YTHDC2: variants seen among roughly 807,000 people sequenced by gnomAD.
YTHDC2 encodes the protein 3'-5' RNA helicase YTHDC2.
Under a neutral mutation model 174.9 loss-of-function variants are expected in YTHDC2, and 45 were observed. That is an observed-to-expected ratio of 0.26 (90% CI 0.20 to 0.33). The LOEUF is 0.33. Ranked by LOEUF, YTHDC2 falls within the 10% of genes least tolerant of loss-of-function variation. The probability of loss-of-function intolerance (pLI) is 1.00; values close to 1 mark genes in which losing one functional copy is unlikely to be tolerated. For missense variants in YTHDC2, 1,650 were observed against 1,723.7 expected, an observed-to-expected ratio of 0.96 and a Z score of 0.76; for synonymous variants, 657 against 574.5, an observed-to-expected ratio of 1.14 and a Z score of -2.05.
chr5:113,549,824 A>G (rs1776128624), intron 12 of YTHDC2, among the ~76,000 whole-genome samples: 1 of 151,932 alleles, frequency 6.6e-6, no homozygotes, highest in Non-Finnish European at 1.5e-5. Context: ...TCTTCTCCCT[A>G]CCAGAATGTA....
chr5:113,570,368 C>T (rs925083154), intron 23 of YTHDC2, among the ~76,000 whole-genome samples: 3 of 152,262 alleles, frequency 2.0e-5, no homozygotes, highest in African/African-American at 4.8e-5. Flanking sequence ...TCCCAAAGTG[C>T]TGCAATTACA....
At chr5:113,592,423 GTAAA>G (rs2112830792) in intron 28 of YTHDC2, 1 of 331,816 alleles carries the variant, frequency 3.0e-6, no homozygotes, top group East Asian at 5.2e-5. Context: ...ATTATGTAAA[GTAAA>G]TAACCTTTTT....
intron 4 of YTHDC2, among the ~76,000 whole-genome samples, chr5:113,529,548 G>T (rs1774511030): frequency 6.6e-6 from 1 of 152,066 alleles, no homozygotes; most frequent in Non-Finnish European, 1.5e-5. Context: ...GGCAAGAATG[G>T]ATATAATTAT....
At position 113,581,440 on chromosome 5, in the gene YTHDC2, C is replaced by T; in HGVS notation, c.3378C>T (p.Leu1126=). The change falls in exon 25 of 30, where the codon CTC becomes CTT. Residue 1126 remains leucine, a synonymous_variant. Coordinates refer to ENST00000161863, the MANE Select transcript of YTHDC2 (RefSeq NM_022828.5). ...EPEAASLLLQ[L]RQKWHSLFLR... ...AGGCAGCTAGTTTATTGCTGCAGCT[C>T]AGACAGAAGTGGCATAGCTTATTTT... 1 of 1,608,666 alleles carries T rather than the reference C, an allele frequency of 6.2e-7. No individual in the cohort carries two copies. The highest frequency in any genetic ancestry group is 1.1e-5 in the South Asian group (1 of 90,158).
intron 17 of YTHDC2, among the ~76,000 whole-genome samples, chr5:113,557,734 C>T (rs1776708253): frequency 6.6e-6 from 1 of 152,120 alleles, no homozygotes; most frequent in Non-Finnish European, 1.5e-5. Context: ...GTCGAGGCTG[C>T]AGCTGCCGTG....
chr5:113,574,760 C>T lies in YTHDC2; in HGVS notation c.3245-4826C>T, dbSNP rs143098306. ...CCCCCTTCCTAGGGATATGTACAAA[C>T]AGATTTCCTGCCTTGCTAGGGATCC... On this transcript the variant is annotated intron_variant, in intron 23 of 29. Transcript: ENST00000161863. 1.9e-3 allele frequency among the ~76,000 whole-genome samples: 285 copies of T among 152,282 alleles called. 3 individuals are homozygous for T. The highest frequency in any genetic ancestry group is 6.5e-3 in the African/African-American group (271 of 41,556).
rs745329792 is a variant in YTHDC2, at chr5:113,549,029, T to C, written c.1688+9T>C. The C allele has an allele frequency of 6.2e-7, 1 of 1,604,800 alleles. No individual in the cohort carries two copies. The highest frequency in any genetic ancestry group is 1.1e-5 in the South Asian group (1 of 90,540). On this transcript the variant is annotated intron_variant, in intron 12 of 29. Transcript: ENST00000161863. ...CTTCTAGAATCTTACAGGTAAAACT[T>C]TGTACTATTTTAAATTAATTCTACC...
intron 20 of YTHDC2, 133 bp from the exon 21 acceptor site, chr5:113,565,760 T>C: frequency 1.2e-6 from 1 of 853,854 alleles, no homozygotes; most frequent in Non-Finnish European, 1.7e-6. Context: ...TCATAAAGTC[T>C]TAGATTTTAT....
intron 4 of YTHDC2, among the ~76,000 whole-genome samples, chr5:113,532,078 C>T (rs1474993491): frequency 7.2e-5 from 11 of 152,064 alleles, no homozygotes; most frequent in Admixed American, 7.2e-4. Flanking sequence ...ACCTAGAAAA[C>T]TGGAAATTAC....
chr5:113,579,167 T>A (rs898296048), intron 23 of YTHDC2, among the ~76,000 whole-genome samples: 1 of 152,078 alleles, frequency 6.6e-6, no homozygotes, highest in Non-Finnish European at 1.5e-5. Context: ...ATGTTATTTT[T>A]CTTAGATATA....
In YTHDC2 at chr5:113,594,616, A is replaced by G. The variant is rs1303757118; in HGVS notation, c.*1142A>G. Reference sequence around the variant, plus strand: ...AATTATCTTTTTACCACCACTGTTTATAAAATTTCCTTAGAGACTTTTTGA... The same window carrying G: ...AATTATCTTTTTACCACCACTGTTTGTAAAATTTCCTTAGAGACTTTTTGA... On this transcript the variant is annotated 3_prime_UTR_variant, in exon 30 of 30. Coordinates refer to ENST00000161863, the MANE Select transcript of YTHDC2 (RefSeq NM_022828.5). The G allele has an allele frequency of 6.6e-6, 1 of 152,046 alleles. No homozygotes were observed. Among genetic ancestry groups the G allele is most frequent in the Admixed American group, 6.6e-5 (1 of 15,248 alleles). 9.4% of individuals were successfully genotyped at this position (152,046 alleles called of 1,614,324 possible).
chr5:113,520,187 G>A (rs942403491), intron 2 of YTHDC2, among the ~76,000 whole-genome samples: 24 of 152,172 alleles, frequency 1.6e-4, no homozygotes, highest in African/African-American at 5.3e-4. Context: ...TGCTGAGGAT[G>A]ATGGTTTCCA....
chr5:113,593,225 T>C (rs887977221), intron 28 of YTHDC2, 78 bp from the exon 29 acceptor site: 34 of 949,452 alleles, frequency 3.6e-5, no homozygotes, highest in African/African-American at 8.4e-5. Flanking sequence ...TCTTACATTT[T>C]TATCAGTGTA....
chr5:113,550,480 T>A (rs1399926125), intron 12 of YTHDC2, among the ~76,000 whole-genome samples: 2 of 152,148 alleles, frequency 1.3e-5, no homozygotes, highest in African/African-American at 4.8e-5. Flanking sequence ...TGTTTACCAG[T>A]CATAGTAAAG....
chr5:113,516,164 A>T (rs1289198018), intron 2 of YTHDC2, among the ~76,000 whole-genome samples: 1 of 152,238 alleles, frequency 6.6e-6, no homozygotes, highest in East Asian at 1.9e-4. Context: ...TTATTTTTTG[A>T]TAGAAATCTC....
At chr5:113,544,535 T>C (rs1364423079) in intron 10 of YTHDC2, among the ~76,000 whole-genome samples, 4 of 152,196 alleles carry the variant, frequency 2.6e-5, no homozygotes, top group Admixed American at 6.5e-5. Flanking sequence ...TACCTTTCTT[T>C]TGAATTTGAA....
At chr5:113,528,752 A>C (rs1049681736) in intron 4 of YTHDC2, among the ~76,000 whole-genome samples, 3 of 152,130 alleles carry the variant, frequency 2.0e-5, no homozygotes, top group Admixed American at 2.0e-4. Flanking sequence ...CAAGCGATCC[A>C]CCTGCCTTGG....
At chr5:113,576,694 T>C (rs1416313057) in intron 23 of YTHDC2, among the ~76,000 whole-genome samples, 1 of 152,162 alleles carries the variant, frequency 6.6e-6, no homozygotes, top group Non-Finnish European at 1.5e-5. Context: ...TGCCCTTTAG[T>C]TGAGTTGTTT....
intron 27 of YTHDC2, 52 bp from the exon 28 acceptor site, chr5:113,591,944 G>C (rs1011445496): frequency 6.1e-5 from 79 of 1,292,524 alleles, no homozygotes; most frequent in Non-Finnish European, 7.7e-5. Context: ...ATTAAATTTA[G>C]ACATGCTAAT....
Sources: gnomAD v4.1 joint callset for allele counts (sites outside exome capture counted in the v4.1 genomes callset) on GRCh38, gnomAD v4.1.1 for gene constraint, MANE v1.5 for transcripts, NCBI Gene and HGNC (gene_info 2026-07-23, HGNC 2026-07-21) for gene names.